Variants in GARIN1A observed in about 807,000 individuals in gnomAD.
GARIN1A encodes the protein Golgi-associated RAB2 interactor protein 1A.
chr7:128,681,401 T>A, the GARIN1A span, among the ~76,000 whole-genome samples: 1 of 151,640 alleles, frequency 6.6e-6, no homozygotes, highest in African/African-American at 2.4e-5. Flanking sequence ...TCTTTTTCCT[T>A]CTTTCTCTCG....
the GARIN1A span, chr7:128,686,442 A>G: frequency 3.9e-5 from 6 of 152,214 alleles, no homozygotes; most frequent in Non-Finnish European, 8.8e-5. Flanking sequence ...TTAAGGTCAC[A>G]CAGGTAGTAA....
the GARIN1A span, chr7:128,675,901 C>G: frequency 7.2e-7 from 1 of 1,390,592 alleles, no homozygotes; most frequent in South Asian, 1.2e-5. Context: ...GAATGATTGA[C>G]TGGGATATGC....
the GARIN1A span, among the ~76,000 whole-genome samples, chr7:128,682,633 A>C: frequency 6.6e-5 from 10 of 152,114 alleles, no homozygotes; most frequent in Non-Finnish European, 1.5e-4. Context: ...GTAGGCTGGA[A>C]GTGGTGCCAT....
At chr7:128,699,602 A>T in the GARIN1A span, among the ~76,000 whole-genome samples, 1 of 152,250 alleles carries the variant, frequency 6.6e-6, no homozygotes, top group Non-Finnish European at 1.5e-5. Context: ...TTCAGTGATT[A>T]AAATTTGCTG....
At chr7:128,704,623 G>A in the GARIN1A span, among the ~76,000 whole-genome samples, 4 of 152,094 alleles carry the variant, frequency 2.6e-5, no homozygotes, top group Non-Finnish European at 4.4e-5. Context: ...TACAAGGAGC[G>A]TGCAACCTAG....
At chr7:128,677,194 G>GC in the GARIN1A span, among the ~76,000 whole-genome samples, 1 of 151,814 alleles carries the variant, frequency 6.6e-6, no homozygotes, top group Non-Finnish European at 1.5e-5. Flanking sequence ...CTCTAGGTGG[G>GC]CACCCACATG....
the GARIN1A span, chr7:128,677,837 C>T: frequency 5.0e-6 from 8 of 1,600,530 alleles, no homozygotes; most frequent in Non-Finnish European, 6.8e-6. Context: ...CTTCCGGGAC[C>T]TGTCGAGAAA....
chr7:128,702,083 G>T, the GARIN1A span, among the ~76,000 whole-genome samples: 2 of 152,034 alleles, frequency 1.3e-5, no homozygotes, highest in African/African-American at 4.8e-5. Flanking sequence ...CAATACAAAA[G>T]AGGTAAAAAA....
chr7:128,689,514 C>CA, the GARIN1A span, among the ~76,000 whole-genome samples: 1 of 149,150 alleles, frequency 6.7e-6, no homozygotes, highest in Non-Finnish European at 1.5e-5. Flanking sequence ...CCCCTCCGCC[C>CA]GGCAGCCGCC....
chr7:128,694,125 A>C, the GARIN1A span, among the ~76,000 whole-genome samples: 10 of 152,214 alleles, frequency 6.6e-5, no homozygotes, highest in Non-Finnish European at 1.3e-4. Context: ...TAGTATTCTT[A>C]GTACTTGGAC....
chr7:128,698,389 C>A, the GARIN1A span, among the ~76,000 whole-genome samples: 1 of 152,090 alleles, frequency 6.6e-6, no homozygotes, highest in Non-Finnish European at 1.5e-5. Flanking sequence ...TCCTGGGCAG[C>A]CTCTCCTGCT....
the GARIN1A span, chr7:128,683,007 A>C: frequency 5.0e-6 from 8 of 1,610,480 alleles, no homozygotes; most frequent in East Asian, 1.3e-4. Flanking sequence ...CAGCAGCTAC[A>C]AGATACCCTC....
At chr7:128,672,253 C>A in the GARIN1A span, 1 of 598,528 alleles carries the variant, frequency 1.7e-6, no homozygotes, top group Non-Finnish European at 2.9e-6. Flanking sequence ...AGCTGACAGG[C>A]CCTCCCAGCC....
At chr7:128,696,198 T>A in the GARIN1A span, among the ~76,000 whole-genome samples, 1 of 151,828 alleles carries the variant, frequency 6.6e-6, no homozygotes, top group African/African-American at 2.4e-5. Context: ...TATTATTATT[T>A]GTAGAGGTGA....
chr7:128,685,016 C>G, the GARIN1A span: 8 of 152,086 alleles, frequency 5.3e-5, no homozygotes, highest in Non-Finnish European at 8.8e-5. Flanking sequence ...ATTCTTGTGC[C>G]TCAGCCTCCC....
At chr7:128,688,302 G>A in the GARIN1A span, among the ~76,000 whole-genome samples, 69 of 152,272 alleles carry the variant, frequency 4.5e-4, no homozygotes, top group Non-Finnish European at 8.7e-4. Context: ...GAGCCACCGC[G>A]CCTGGCCCCC....
chr7:128,700,331 A>C, the GARIN1A span, among the ~76,000 whole-genome samples: 1 of 148,806 alleles, frequency 6.7e-6, no homozygotes, highest in Non-Finnish European at 1.5e-5. Flanking sequence ...CCCAGGCTGC[A>C]GTGCAGTGGC....
the GARIN1A span, among the ~76,000 whole-genome samples, chr7:128,672,062 T>C: frequency 2.6e-5 from 4 of 152,152 alleles, no homozygotes; most frequent in African/African-American, 9.7e-5. Flanking sequence ...GGGAGGGTCA[T>C]TTTTTCCATG....
the GARIN1A span, among the ~76,000 whole-genome samples, chr7:128,674,402 G>A: frequency 6.6e-6 from 1 of 152,176 alleles, no homozygotes; most frequent in Non-Finnish European, 1.5e-5. Flanking sequence ...TGGGATTATA[G>A]GCATGAATGA....
Sources: allele counts gnomAD v4.1 joint callset (sites outside exome capture counted in the v4.1 genomes callset), GRCh38; gene constraint gnomAD v4.1.1; transcripts MANE v1.5; gene names NCBI Gene and HGNC (gene_info 2026-07-23, HGNC 2026-07-21).